The following DMXL1 variants were observed in gnomAD, a reference collection of about 807,000 sequenced individuals.
DMXL1 encodes Dmx like 1.
In DMXL1, 99 loss-of-function variants were observed where a neutral mutation model predicts 319.2. The observed-to-expected ratio is 0.31, with a 90% CI of 0.26 to 0.37. The LOEUF (loss-of-function observed/expected upper bound fraction) is 0.37, where lower values mean the gene tolerates loss of function less well. DMXL1 is among the 10% of genes least tolerant of loss of function. The pLI is 1.00. For missense variants in DMXL1, 3,745 were observed against 3,595.6 expected, an observed-to-expected ratio of 1.04 and a Z score of -1.06; for synonymous variants, 1,385 against 1,235.2, an observed-to-expected ratio of 1.12 and a Z score of -2.54.
In DMXL1 at chr5:119,189,583, C is replaced by G. The variant is rs540841294; in HGVS notation, c.7136-125C>G. 5 of 859,370 alleles carry G rather than the reference C, an allele frequency of 5.8e-6. 1 individual carries two copies. The South Asian group carries it at 9.1e-5, about 16-fold the overall frequency. The allele number at this position is 859,370 out of a possible 1,614,324, so 53.2% of individuals were successfully genotyped here. On this transcript the variant is annotated intron_variant, in intron 28 of 43. Coordinates refer to ENST00000539542, the MANE Select transcript of DMXL1 (RefSeq NM_001290321.3). Reference sequence around the variant, plus strand: ...TATTTTCTTACCTGCTGTGTACTTTCATAATCTCAATCTTATTTTTTTGTG... The same window carrying G: ...TATTTTCTTACCTGCTGTGTACTTTGATAATCTCAATCTTATTTTTTTGTG...
chr5:119,122,659 C>G (rs1325549834), intron 9 of DMXL1, among the ~76,000 whole-genome samples: 1 of 151,258 alleles, frequency 6.6e-6, no homozygotes, highest in African/African-American at 2.4e-5. Context: ...CTTCCCCTCC[C>G]AGACGGGGTC....
At chr5:119,203,032 A>G (rs1781109750) in intron 32 of DMXL1, among the ~76,000 whole-genome samples, 1 of 151,604 alleles carries the variant, frequency 6.6e-6, no homozygotes, top group Admixed American at 6.6e-5. Context: ...AAAACATATG[A>G]AATTCAAAAT....
In DMXL1 at chr5:119,203,351, G is replaced by A. The variant is rs756320672; in HGVS notation, c.7778G>A (p.Arg2593Lys). 1.2e-5 allele frequency: 20 copies of A among 1,605,756 alleles called. No individual in the cohort carries two copies. In the South Asian group the frequency reaches 2.1e-4, roughly 17 times the overall value. ...CACCATCTGGCACTGTCTGTGAAGAGGCTTTGGCAGTATTTGGTGAAGCAG... is the reference window on the plus strand; with the variant it reads ...CACCATCTGGCACTGTCTGTGAAGAAGCTTTGGCAGTATTTGGTGAAGCAG... The part of the protein sequence containing the change: ...SKHHLALSVK[R>K]LWQYLVKQEE... Residue 2593 changes from arginine to lysine, a missense_variant, in exon 33 of 44, where the codon AGG becomes AAG. Physicochemically the swap from Arg to Lys is conservative, Grantham distance 26 (BLOSUM62 2). Coordinates refer to ENST00000539542, the MANE Select transcript of DMXL1 (RefSeq NM_001290321.3).
At chr5:119,124,563 CTTTTTTT>C (rs34589863) in intron 9 of DMXL1, among the ~76,000 whole-genome samples, 1 of 102,948 alleles carries the variant, frequency 9.7e-6, no homozygotes, top group Non-Finnish European at 1.9e-5. Flanking sequence ...ATGGTGATGA[CTTTTTTT>C]TTTTTTTTTT....
At chr5:119,156,592 A>T (rs1771121711) in intron 19 of DMXL1, among the ~76,000 whole-genome samples, 1 of 152,140 alleles carries the variant, frequency 6.6e-6, no homozygotes, top group South Asian at 2.1e-4. Flanking sequence ...CTGATTTCAC[A>T]TCCTTTGACT....
chr5:119,205,912 A>T (rs996609042), intron 33 of DMXL1, among the ~76,000 whole-genome samples: 1 of 152,116 alleles, frequency 6.6e-6, no homozygotes, highest in Non-Finnish European at 1.5e-5. Context: ...CCAGATGGTT[A>T]GGAGATACAT....
intron 1 of DMXL1, among the ~76,000 whole-genome samples, chr5:119,094,420 G>A (rs1040503673): frequency 6.6e-6 from 1 of 152,178 alleles, no homozygotes; most frequent in African/African-American, 2.4e-5. Flanking sequence ...TTTCCAGCCC[G>A]CTGTTGAGAC....
In DMXL1 at chr5:119,116,318, C is replaced by A. The variant is rs1480086626; in HGVS notation, c.725C>A (p.Thr242Lys). The A allele has an allele frequency of 1.9e-6, 3 of 1,613,836 alleles. No homozygotes were observed. In the African/African-American group the frequency reaches 4.0e-5, roughly 22 times the overall value. Residue 242 changes from threonine to lysine, a missense_variant, in exon 7 of 44, where the codon ACA becomes AAA. Around this residue, in one of 4 missense-constraint regions of DMXL1, gnomAD observed 2,096 missense variants for 1,985.4 expected, o/e 1.06. Coordinates refer to ENST00000539542, the MANE Select transcript of DMXL1 (RefSeq NM_001290321.3). ...GTAAATGGATTTTCCTGGCGTAAAA[C>A]AAGCAAATATATGCCTAGGTCAGTG... ...RAVNGFSWRKTSKYMPRASVC... is the reference protein window; with the variant it reads ...RAVNGFSWRKKSKYMPRASVC...
Position 119,151,856 on chromosome 5 carries a change from T to A in DMXL1, c.4595-73T>A. On this transcript the variant is annotated intron_variant, in intron 18 of 43. Transcript: ENST00000539542. Reference sequence around the variant, plus strand: ...TTTCTTGGTCAGGTTAAGAATGTTATATGCCTATATTGGGTGTTCTTTTGC... The same window carrying A: ...TTTCTTGGTCAGGTTAAGAATGTTAAATGCCTATATTGGGTGTTCTTTTGC... 5 of 858,132 alleles carry A rather than the reference T, an allele frequency of 5.8e-6. No homozygotes were observed. The South Asian group carries it at 7.5e-5, about 13-fold the overall frequency. 53.2% of individuals were successfully genotyped at this position (858,132 alleles called of 1,614,324 possible).
At chr5:119,234,221 G>T (rs1457909836) in intron 39 of DMXL1, among the ~76,000 whole-genome samples, 2 of 152,030 alleles carry the variant, frequency 1.3e-5, no homozygotes, top group South Asian at 2.1e-4. Flanking sequence ...GAACAGTACT[G>T]CTCCTTGTGA....
intron 13 of DMXL1, among the ~76,000 whole-genome samples, chr5:119,136,146 T>G (rs953264347): frequency 7.2e-5 from 11 of 152,244 alleles, no homozygotes; most frequent in Non-Finnish European, 1.3e-4. Context: ...AGATCACTCA[T>G]GTTAATGCTT....
At chr5:119,175,786 A>G (rs1775678585) in intron 26 of DMXL1, among the ~76,000 whole-genome samples, 1 of 152,096 alleles carries the variant, frequency 6.6e-6, no homozygotes, top group African/African-American at 2.4e-5. Flanking sequence ...AAATTTTACC[A>G]AATAATTGAT....
Position 119,148,786 on chromosome 5 carries a change from T to C in DMXL1, c.2959T>C (p.Leu987=). The part of the protein sequence containing the change: ...SIYPACSAPY[L]LATSCSDEKV... ...ATATCCTGCATGCAGTGCTCCTTATTTATTGGCAACTTCATGTTCAGATGA... is the reference window on the plus strand; with the variant it reads ...ATATCCTGCATGCAGTGCTCCTTATCTATTGGCAACTTCATGTTCAGATGA... The change falls in exon 18 of 44, where the codon TTA becomes CTA. Residue 987 remains leucine, a synonymous_variant. Transcript: ENST00000539542. 6.2e-7 allele frequency: 1 copy of C among 1,613,568 alleles called. No individual in the cohort carries two copies. The highest frequency in any genetic ancestry group is 8.5e-7 in the Non-Finnish European group (1 of 1,179,666).
chr5:119,075,158 A>G (rs1440021281), intron 1 of DMXL1, among the ~76,000 whole-genome samples: 1 of 152,166 alleles, frequency 6.6e-6, no homozygotes. Context: ...AGTAATATAA[A>G]TATTAATTGC....
At chr5:119,220,330 C>CA (rs2150576707) in intron 35 of DMXL1, 142 bp from the exon 36 acceptor site, 1 of 670,874 alleles carries the variant, frequency 1.5e-6, no homozygotes, top group African/African-American at 1.8e-5. Context: ...CTTATTATTT[C>CA]ACTAAAAGTA....
In DMXL1 at chr5:119,247,746, C is replaced by T. The variant is rs1790027056; in HGVS notation, c.*527C>T. 3 of 152,538 alleles carry T rather than the reference C, an allele frequency of 2.0e-5. No individual in the cohort carries two copies. The highest frequency in any genetic ancestry group is 2.0e-4 in the Admixed American group (3 of 15,348). The allele number at this position is 152,538 out of a possible 1,614,324, so 9.4% of individuals were successfully genotyped here. On this transcript the variant is annotated 3_prime_UTR_variant, in exon 44 of 44. Coordinates refer to ENST00000539542, the MANE Select transcript of DMXL1 (RefSeq NM_001290321.3). The stretch of plus-strand genomic sequence containing the variant: ...CGTCAGTGATAAATGAGCTAGATGG[C>T]TCAATATGTAAGGTTTTCAGTAGTT...
intron 1 of DMXL1, among the ~76,000 whole-genome samples, chr5:119,077,544 G>A (rs1751180229): frequency 8.4e-6 from 1 of 119,596 alleles, no homozygotes; most frequent in Non-Finnish European, 1.6e-5. Flanking sequence ...CTGGAGTACA[G>A]TGGATCTCAG....
intron 34 of DMXL1, among the ~76,000 whole-genome samples, chr5:119,212,543 C>T (rs1332884331): frequency 6.6e-6 from 1 of 152,128 alleles, no homozygotes; most frequent in Admixed American, 6.5e-5. Flanking sequence ...TCTCTGCTTT[C>T]AGTTTTTTGG....
At chr5:119,161,497 T>C (rs1029594363) in intron 19 of DMXL1, among the ~76,000 whole-genome samples, 1 of 152,242 alleles carries the variant, frequency 6.6e-6, no homozygotes, top group Admixed American at 6.5e-5. Flanking sequence ...AAGCTTGCCC[T>C]CCTGCCTGAA....
Sources: gnomAD v4.1 joint callset for allele counts (sites outside exome capture counted in the v4.1 genomes callset) on GRCh38, gnomAD v4.1.1 for gene constraint, gnomAD v4.1.1 regional missense constraint, MANE v1.5 for transcripts, NCBI Gene and HGNC (gene_info 2026-07-23, HGNC 2026-07-21) for gene names.